Variants in SLC15A2 observed in about 807,000 individuals in gnomAD.
The protein encoded by SLC15A2 is solute carrier family 15 member 2, also known as kidney H(+)/peptide cotransporter.
A neutral mutation model predicts 95.5 loss-of-function variants in SLC15A2; 77 were observed. The observed-to-expected ratio is 0.81, with a 90% CI of 0.67 to 0.97. The LOEUF (loss-of-function observed/expected upper bound fraction) is 0.97, where lower values mean the gene tolerates loss of function less well. Ranked by LOEUF, SLC15A2 falls within the 50% of genes least tolerant of loss-of-function variation. The pLI is 0.00. For synonymous variants in SLC15A2, 306 were observed against 306.9 expected, an observed-to-expected ratio of 1.00 and a Z score of 0.03; for missense variants, 893 against 874.4, an observed-to-expected ratio of 1.02 and a Z score of -0.27.
In SLC15A2 at chr3:121,917,471, G is replaced by A. The variant is rs529026368; in HGVS notation, c.697+1778G>A. On this transcript the variant is annotated intron_variant, in intron 7 of 21. Coordinates refer to ENST00000489711, the MANE Select transcript of SLC15A2 (RefSeq NM_021082.4). ...TGGGAGGCCGAGGCAGGAGGATTGC[G>A]TGAGCTCAGGAGTTTGAGACCATCC... Among the ~76,000 whole-genome samples the A allele has an allele frequency of 4.8e-4, 73 of 152,164 alleles. No individual in the cohort carries two copies. In the East Asian group the frequency reaches 5.4e-3, roughly 11 times the overall value.
chr3:121,903,018 G>A (rs1191057476), intron 3 of SLC15A2, among the ~76,000 whole-genome samples: 2 of 152,216 alleles, frequency 1.3e-5, no homozygotes, highest in African/African-American at 4.8e-5. Context: ...AGCATCTGCT[G>A]TCTCCTGCCT....
chr3:121,915,737 G>T, intron 7 of SLC15A2, 44 bp downstream of exon 7: 1 of 1,380,738 alleles, frequency 7.2e-7, no homozygotes, highest in South Asian at 1.2e-5. Context: ...ATTGATACCT[G>T]ACACATGTAA....
chr3:121,910,881 A>T (rs1013307379), intron 3 of SLC15A2, among the ~76,000 whole-genome samples: 1 of 152,206 alleles, frequency 6.6e-6, no homozygotes, highest in South Asian at 2.1e-4. Flanking sequence ...TTGAGAAAAC[A>T]ATACAACAGG....
chr3:121,940,539 G>A, intron 21 of SLC15A2, 51 bp downstream of exon 21: 1 of 1,436,736 alleles, frequency 7.0e-7, no homozygotes, highest in Non-Finnish European at 9.8e-7. Flanking sequence ...TTTTCCTCCA[G>A]CTTTCTCTTC....
At position 121,924,203 on chromosome 3, in the gene SLC15A2, CA is replaced by C. The variant is rs556017227; in HGVS notation, c.1003-147del. ...GTTCCCATCCCCCAAATAATCTTAA[CA>C]GCAAAATAGTGGCCCTGAACCAAAG... is the stretch of plus-strand genomic sequence containing the variant. On this transcript the variant is annotated intron_variant, in intron 11 of 21. Coordinates refer to ENST00000489711, the MANE Select transcript of SLC15A2 (RefSeq NM_021082.4). 263 of 674,362 alleles carry C rather than the reference CA, an allele frequency of 3.9e-4. No homozygotes were observed. The East Asian group carries it at 6.3e-3, about 16-fold the overall frequency. 41.8% of individuals were successfully genotyped at this position (674,362 alleles called of 1,614,324 possible). A position where few individuals can be genotyped will look rare whatever the true frequency, so the allele number is the denominator to read the frequency against.
chr3:121,917,687 CA>C (rs1301443542), intron 7 of SLC15A2, among the ~76,000 whole-genome samples: 5 of 151,668 alleles, frequency 3.3e-5, no homozygotes, highest in Non-Finnish European at 7.4e-5. Flanking sequence ...GCCCCTGTCT[CA>C]AAAATAAATA....
Position 121,942,370 on chromosome 3 carries a change from C to T in SLC15A2, c.*1363C>T, listed in dbSNP as rs1710478178. ...AGTTCAGAATCACTGTTCTAGAGAG[C>T]TTCATTTCCATTGGTTTTAAAACAT... is the stretch of plus-strand genomic sequence containing the variant. On this transcript the variant is annotated 3_prime_UTR_variant, in exon 22 of 22. Coordinates refer to ENST00000489711, the MANE Select transcript of SLC15A2 (RefSeq NM_021082.4). The T allele has an allele frequency of 6.6e-6, 1 of 152,166 alleles. No homozygotes were observed. Among genetic ancestry groups the T allele is most frequent in the Non-Finnish European group, 1.5e-5 (1 of 68,034 alleles). 9.4% of individuals were successfully genotyped at this position (152,166 alleles called of 1,614,324 possible). A position where few individuals can be genotyped will look rare whatever the true frequency, so the allele number is the denominator to read the frequency against.
intron 13 of SLC15A2, among the ~76,000 whole-genome samples, chr3:121,925,840 A>T (rs1710111682): frequency 7.1e-6 from 1 of 140,992 alleles, no homozygotes; most frequent in African/African-American, 2.6e-5. Flanking sequence ...TCAAGTGCCA[A>T]GGAGAGGTAG....
chr3:121,915,623 G>T lies in SLC15A2; in HGVS notation c.627G>T (p.Val209=). Residue 209 remains valine, a synonymous_variant, in exon 7 of 22, where the codon GTG becomes GTT. Coordinates refer to ENST00000489711, the MANE Select transcript of SLC15A2 (RefSeq NM_021082.4). ...CCATCCCATTTTCTTTAGGAGATGT[G>T]CAATGTTTTGGAGAAGACTGCTATG... ...TFITPMLRGD[V]QCFGEDCYAL... The T allele has an allele frequency of 1.2e-6, 2 of 1,613,076 alleles. No individual in the cohort carries two copies. The highest frequency in any genetic ancestry group is 1.7e-6 in the Non-Finnish European group (2 of 1,179,068).
At chr3:121,926,135 C>G (rs1030217167) in intron 13 of SLC15A2, among the ~76,000 whole-genome samples, 1 of 151,952 alleles carries the variant, frequency 6.6e-6, no homozygotes, top group East Asian at 1.9e-4. Flanking sequence ...AGTAATTGGT[C>G]ATGGAAACAT....
intron 14 of SLC15A2, among the ~76,000 whole-genome samples, 200 bp downstream of exon 14, chr3:121,928,039 A>G (rs3762821): frequency 0.4 from 60,147 of 152,056 alleles, 12,614 homozygotes; most frequent in East Asian, 0.69. Flanking sequence ...CACCTGAGTG[A>G]CTCAGAATGT....
intron 19 of SLC15A2, chr3:121,939,068 C>A (rs1242376575): frequency 3.7e-6 from 1 of 267,342 alleles, no homozygotes; most frequent in Non-Finnish European, 6.9e-6. Context: ...GATCAAAATG[C>A]CTGATAGGGC....
intron 19 of SLC15A2, among the ~76,000 whole-genome samples, chr3:121,931,992 C>T (rs773829943): frequency 9.9e-5 from 15 of 152,098 alleles, no homozygotes; most frequent in African/African-American, 2.2e-4. Context: ...CTCTGCCTCC[C>T]GGGTTAAAGT....
intron 13 of SLC15A2, among the ~76,000 whole-genome samples, chr3:121,925,304 T>C (rs577682777): frequency 6.6e-6 from 1 of 152,230 alleles, no homozygotes; most frequent in African/African-American, 2.4e-5. Context: ...ACCAAAAATA[T>C]GTGAAATTTA....
At chr3:121,902,022 A>G (rs1246517177) in intron 3 of SLC15A2, among the ~76,000 whole-genome samples, 1 of 152,226 alleles carries the variant, frequency 6.6e-6, no homozygotes. Context: ...AATAATAGAT[A>G]TGTTAAGAGG....
rs753902606 is a variant in SLC15A2 at position 121,940,418 on chromosome 3, C to G, written c.1943C>G (p.Ala648Gly). The change falls in exon 21 of 22, where the codon GCT becomes GGT. Residue 648 changes from alanine (A) to glycine (G), a missense_variant. Physicochemically the swap from Ala to Gly is moderately conservative, Grantham distance 60. Transcript: ENST00000489711. The part of the protein sequence containing the change: ...PSSMKSVLQA[A>G]WLLTIAVGNI... The stretch of plus-strand genomic sequence containing the variant: ...AGCATGAAATCTGTGCTCCAGGCAG[C>G]TTGGCTATTGACAATTGCAGTTGGG... 6.8e-6 allele frequency: 11 copies of G among 1,614,030 alleles called. No homozygotes were observed. In the Admixed American group the frequency reaches 1.8e-4, roughly 27 times the overall value.
chr3:121,929,332 G>A lies in SLC15A2; in HGVS notation c.1537G>A (p.Gly513Arg). ...GGATACAGAAAGCAGAACAACCAAT[G>A]GGATGACAACCGTGAGGTTTGAATG... ...VKDTESRTTN[G>R]MTTVRFVNTL... The change falls in exon 17 of 22, where the codon GGG becomes AGG. Residue 513 changes from glycine (G) to arginine (R), a missense_variant. Physicochemically the swap from Gly to Arg is moderately radical, Grantham distance 125. Transcript: ENST00000489711. The A allele has an allele frequency of 6.2e-7, 1 of 1,613,956 alleles. No homozygotes were observed. Among genetic ancestry groups the A allele is most frequent in the Non-Finnish European group, 8.5e-7 (1 of 1,179,866 alleles).
intron 2 of SLC15A2, 111 bp from the exon 3 acceptor site, chr3:121,897,277 A>C (rs1344423854): frequency 7.4e-7 from 1 of 1,357,338 alleles, no homozygotes; most frequent in Non-Finnish European, 1.0e-6. Context: ...GGAGTGCTGA[A>C]GGCCAAAATC....
chr3:121,929,208 A>G lies in SLC15A2; in HGVS notation c.1506+62A>G, dbSNP rs1247893399. 32 of 1,602,802 alleles carry G rather than the reference A, an allele frequency of 2.0e-5. No homozygotes were observed. In the East Asian group the frequency reaches 6.5e-4, roughly 32 times the overall value. On this transcript the variant is annotated intron_variant, in intron 16 of 21. Transcript: ENST00000489711. ...CTCAAAGTAATATGACTGTCTCATC[A>G]ACATCTTACCAAGGATCTGCCTGAT... is the stretch of plus-strand genomic sequence containing the variant.
Sources: gnomAD v4.1 joint callset for allele counts (sites outside exome capture counted in the v4.1 genomes callset) on GRCh38, gnomAD v4.1.1 for gene constraint, MANE v1.5 for transcripts, NCBI Gene and HGNC (gene_info 2026-07-23, HGNC 2026-07-21) for gene names.